Variants in RIC1 observed in about 807,000 individuals in gnomAD.
RIC1 encodes guanine nucleotide exchange factor subunit RIC1.
A neutral mutation model predicts 169.0 loss-of-function variants in RIC1; 88 were observed. That is an observed-to-expected ratio of 0.52 (90% CI 0.44 to 0.62). The LOEUF (loss-of-function observed/expected upper bound fraction) is 0.62, where lower values mean the gene tolerates loss of function less well. RIC1 is among the 20% of genes least tolerant of loss of function. RIC1 has a pLI of 0.00. For missense variants in RIC1, 1,877 were observed against 1,725.5 expected (o/e 1.09, Z -1.56); for synonymous variants, 790 against 601.5 (o/e 1.31, Z -4.59).
At chr9:5,668,027 G>C (rs1229716541) in intron 2 of RIC1, among the ~76,000 whole-genome samples, 5 of 152,142 alleles carry the variant, frequency 3.3e-5, no homozygotes, top group Non-Finnish European at 7.3e-5. Flanking sequence ...CTACATGGCT[G>C]GGGAGGCCTC....
intron 2 of RIC1, among the ~76,000 whole-genome samples, chr9:5,674,803 T>G (rs1820345866): frequency 6.6e-6 from 1 of 152,202 alleles, no homozygotes; most frequent in Non-Finnish European, 1.5e-5. Context: ...GCCCTCAAAT[T>G]CATCTTTGGA....
intron 2 of RIC1, among the ~76,000 whole-genome samples, chr9:5,684,620 A>G (rs928752918): frequency 1.1e-4 from 16 of 152,170 alleles, no homozygotes; most frequent in African/African-American, 3.9e-4. Context: ...AAACTCACTT[A>G]TTATAGTTAA....
intron 7 of RIC1, among the ~76,000 whole-genome samples, chr9:5,736,921 T>G (rs889945643): frequency 4.6e-5 from 7 of 151,296 alleles, no homozygotes; most frequent in African/African-American, 1.7e-4. Flanking sequence ...TGAGAAGAGG[T>G]AGGACCTGGA....
intron 1 of RIC1, among the ~76,000 whole-genome samples, chr9:5,645,649 A>G (rs1818469853): frequency 6.6e-6 from 1 of 152,204 alleles, no homozygotes; most frequent in African/African-American, 2.4e-5. Context: ...GGAACCACAC[A>G]CTATTTGTCT....
At chr9:5,761,483 T>A (rs1826337726) in intron 17 of RIC1, among the ~76,000 whole-genome samples, 1 of 152,168 alleles carries the variant, frequency 6.6e-6, no homozygotes, top group Non-Finnish European at 1.5e-5. Context: ...GCTCACATTT[T>A]TACTTGGAAT....
chr9:5,769,792 A>G (rs2131138678), intron 22 of RIC1: 2 of 301,028 alleles, frequency 6.6e-6, no homozygotes, highest in Non-Finnish European at 1.2e-5. Flanking sequence ...TGGAAACTTC[A>G]TGTTATCTTA....
Position 5,754,946 on chromosome 9 carries a change from C to G in RIC1, c.1692+16C>G. On this transcript the variant is annotated intron_variant, in intron 15 of 25. Transcript: ENST00000414202. ...TCAAGAAGAGGTAAGTTTTTTCTCTCAGAAATAACAGATTTTTATATTTTA... is the reference window on the plus strand; with the variant it reads ...TCAAGAAGAGGTAAGTTTTTTCTCTGAGAAATAACAGATTTTTATATTTTA... The G allele has an allele frequency of 7.1e-7, 1 of 1,415,328 alleles. No individual in the cohort carries two copies. Among genetic ancestry groups the G allele is most frequent in the South Asian group, 1.5e-5 (1 of 66,354 alleles). The allele number at this position is 1,415,328 out of a possible 1,614,324, so 87.7% of individuals were successfully genotyped here. A position where few individuals can be genotyped will look rare whatever the true frequency, so the allele number is the denominator to read the frequency against.
At position 5,746,302 on chromosome 9, in the gene RIC1, C is replaced by G. The variant is rs559568823; in HGVS notation, c.1248+219C>G. Among the ~76,000 whole-genome samples, 29 of 152,074 alleles carry G rather than the reference C, an allele frequency of 1.9e-4. No individual in the cohort carries two copies. The East Asian group carries it at 5.2e-3, about 27-fold the overall frequency. On this transcript the variant is annotated intron_variant, in intron 11 of 25. Coordinates refer to ENST00000414202, the MANE Select transcript of RIC1 (RefSeq NM_020829.4). The stretch of plus-strand genomic sequence containing the variant: ...CTTATTTTTTTAAAAGGGTCATAAG[C>G]AATTTGACGGAAAGCAATGTTTATA...
chr9:5,634,211 T>G (rs370126066), intron 1 of RIC1, among the ~76,000 whole-genome samples: 1 of 152,224 alleles, frequency 6.6e-6, no homozygotes, highest in African/African-American at 2.4e-5. Flanking sequence ...TGCAGATATC[T>G]CTTTGAGATA....
intron 7 of RIC1, among the ~76,000 whole-genome samples, chr9:5,733,905 C>G (rs933455664): frequency 2.6e-5 from 4 of 151,396 alleles, no homozygotes; most frequent in Non-Finnish European, 5.9e-5. Flanking sequence ...TTTGTCTTCT[C>G]TATTCATCTT....
chr9:5,713,703 C>T (rs759503319), intron 3 of RIC1, 193 bp from the exon 4 acceptor site: 54 of 359,722 alleles, frequency 1.5e-4, no homozygotes, highest in Middle Eastern at 6.4e-4. Context: ...ATTGGTCAAA[C>T]ATTTATTTCC....
At chr9:5,744,670 T>C (rs1243768726) in intron 10 of RIC1, among the ~76,000 whole-genome samples, 1 of 151,106 alleles carries the variant, frequency 6.6e-6, no homozygotes, top group African/African-American at 2.4e-5. Context: ...TCACATGAAG[T>C]CAGGTGTGGG....
intron 12 of RIC1, among the ~76,000 whole-genome samples, chr9:5,749,438 G>GT (rs1486892337): frequency 2.0e-5 from 3 of 152,230 alleles, no homozygotes; most frequent in African/African-American, 7.2e-5. Context: ...AAGAAACATA[G>GT]TTGCCTGGTT....
intron 6 of RIC1, 53 bp downstream of exon 6, chr9:5,720,803 C>G: frequency 7.2e-7 from 1 of 1,392,736 alleles, no homozygotes. Context: ...TTATTTTATT[C>G]TTTGTTATCA....
Position 5,693,817 on chromosome 9 carries a change from C to T in RIC1, c.332+3779C>T, listed in dbSNP as rs376314539. 2.6e-5 allele frequency among the ~76,000 whole-genome samples: 4 copies of T among 151,976 alleles called. No homozygotes were observed. The South Asian group carries it at 8.3e-4, about 32-fold the overall frequency. On this transcript the variant is annotated intron_variant, in intron 3 of 25. Transcript: ENST00000414202. The stretch of plus-strand genomic sequence containing the variant: ...ATCATCATGTATACTTTGTTGAGAG[C>T]AGAGATTTTTTTCCCCCTTCTTCCT...
chr9:5,633,847 C>T (rs984102453), intron 1 of RIC1, among the ~76,000 whole-genome samples: 9 of 152,120 alleles, frequency 5.9e-5, no homozygotes, highest in Admixed American at 2.6e-4. Context: ...GTCCCCAGAA[C>T]GTATTCATCT....
intron 3 of RIC1, among the ~76,000 whole-genome samples, chr9:5,710,166 A>C (rs1279733989): frequency 6.6e-6 from 1 of 152,236 alleles, no homozygotes; most frequent in Non-Finnish European, 1.5e-5. Context: ...TTTTACCTGC[A>C]AACTCAGAAA....
intron 3 of RIC1, among the ~76,000 whole-genome samples, chr9:5,702,966 G>A (rs895063815): frequency 1.3e-5 from 2 of 152,088 alleles, no homozygotes; most frequent in Admixed American, 6.5e-5. Context: ...TCCAACGTTG[G>A]GGATTACAAT....
At chr9:5,753,111 C>T in intron 12 of RIC1, 89 bp from the exon 13 acceptor site, 1 of 1,191,064 alleles carries the variant, frequency 8.4e-7, no homozygotes, top group South Asian at 1.2e-5. Context: ...CATTGTTCGG[C>T]AAGATGAATC....
Sources: gnomAD v4.1 joint callset for allele counts (sites outside exome capture counted in the v4.1 genomes callset) on GRCh38, gnomAD v4.1.1 for gene constraint, MANE v1.5 for transcripts, NCBI Gene and HGNC (gene_info 2026-07-23, HGNC 2026-07-21) for gene names.